Variants in LTN1 observed in about 807,000 individuals in gnomAD.
LTN1 encodes listerin E3 ubiquitin protein ligase 1, also known as E3 ubiquitin-protein ligase listerin.
Under a neutral mutation model 201.2 loss-of-function variants are expected in LTN1, and 88 were observed. That is an observed-to-expected ratio of 0.44 (90% confidence interval 0.37 to 0.52). The LOEUF (loss-of-function observed/expected upper bound fraction) is 0.52, where lower values mean the gene tolerates loss of function less well. Ranked by LOEUF, LTN1 falls within the 20% of genes least tolerant of loss-of-function variation. The probability of loss-of-function intolerance (pLI) is 0.00; values close to 1 mark genes in which losing one functional copy is unlikely to be tolerated. For synonymous variants in LTN1, 645 were observed against 713.5 expected (o/e 0.90, Z 1.53); for missense variants, 1,752 against 2,038.7 (o/e 0.86, Z 2.71).
intron 8 of LTN1, among the ~76,000 whole-genome samples, 158 bp downstream of exon 8, chr21:28,970,394 C>A (rs73342778): frequency 1.3e-5 from 2 of 151,926 alleles, no homozygotes; most frequent in Admixed American, 6.6e-5. Flanking sequence ...AAGTCTTGAA[C>A]GTACTCAAGA....
intron 13 of LTN1, among the ~76,000 whole-genome samples, chr21:28,959,178 A>G (rs891596508): frequency 2.0e-5 from 3 of 152,230 alleles, no homozygotes; most frequent in African/African-American, 7.2e-5. Flanking sequence ...GAAATTAAGG[A>G]ACATGCCAGA....
chr21:28,982,244 A>G (rs1457997583), intron 5 of LTN1, 72 bp downstream of exon 5: 2 of 1,326,918 alleles, frequency 1.5e-6, no homozygotes, highest in Non-Finnish European at 2.1e-6. Flanking sequence ...AAAAAGTCAC[A>G]TTGAAATCAT....
At chr21:28,978,195 T>C (rs1042030890) in intron 6 of LTN1, among the ~76,000 whole-genome samples, 1 of 152,144 alleles carries the variant, frequency 6.6e-6, no homozygotes, top group African/African-American at 2.4e-5. Context: ...ACCCAACTAA[T>C]TTTTTAATTA....
At position 28,986,102 on chromosome 21, in the gene LTN1, T is replaced by C; in HGVS notation, c.345+37A>G. 8.1e-7 allele frequency: 1 copy of C among 1,232,784 alleles called. No homozygotes were observed. The highest frequency in any genetic ancestry group is 1.2e-6 in the Non-Finnish European group (1 of 838,376). The allele number at this position is 1,232,784 out of a possible 1,614,324, so 76.4% of individuals were successfully genotyped here. A position where few individuals can be genotyped will look rare whatever the true frequency, so the allele number is the denominator to read the frequency against. Reference sequence around the variant, plus strand: ...TCTCCATGACTCCAACCAAAAAATATACAACAGAAATAAACTAGCAAAGTT... The same window carrying C: ...TCTCCATGACTCCAACCAAAAAATACACAACAGAAATAAACTAGCAAAGTT... On this transcript the variant is annotated intron_variant, in intron 3 of 29. Coordinates refer to ENST00000361371, the MANE Select transcript of LTN1 (RefSeq NM_015565.3). The surrounding 1 kb of genome is among the most constrained non-coding windows in gnomAD (Gnocchi z 4.1).
intron 17 of LTN1, among the ~76,000 whole-genome samples, 154 bp downstream of exon 17, chr21:28,953,063 A>G (rs1390832038): frequency 6.6e-6 from 1 of 152,240 alleles, no homozygotes; most frequent in Non-Finnish European, 1.5e-5. Flanking sequence ...TCAAGTATTT[A>G]GAATTCATAA....
rs542238933 is a variant in LTN1, at chr21:28,939,747, T to G, written c.4482+1473A>C. 1.2e-4 allele frequency among the ~76,000 whole-genome samples: 19 copies of G among 152,348 alleles called. No individual in the cohort carries two copies. In the South Asian group the frequency reaches 3.7e-3, roughly 30 times the overall value. ...ATATAAAATGAGAACAAAACTCTTA[T>G]ACACAAATGCCTCAATCTGCTGCTA... On this transcript the variant is annotated intron_variant, in intron 25 of 29. Transcript: ENST00000361371.
intron 19 of LTN1, among the ~76,000 whole-genome samples, chr21:28,947,198 A>G (rs951331125): frequency 1.3e-5 from 2 of 152,208 alleles, no homozygotes; most frequent in African/African-American, 4.8e-5. Flanking sequence ...TTGGCTAGGG[A>G]GAAATGAGGC....
At chr21:28,934,611 C>T (rs564312682) in intron 27 of LTN1, among the ~76,000 whole-genome samples, 5 of 152,284 alleles carry the variant, frequency 3.3e-5, no homozygotes, top group African/African-American at 4.8e-5. Flanking sequence ...CCCGCCACCA[C>T]GCATGGCTAA....
At chr21:28,989,844 G>T (rs1170665035) in intron 1 of LTN1, among the ~76,000 whole-genome samples, 1 of 151,934 alleles carries the variant, frequency 6.6e-6, no homozygotes, top group Non-Finnish European at 1.5e-5. Context: ...GCAAAACCCT[G>T]TATCTATTAA....
chr21:28,976,416 AC>A (rs2084615424), intron 6 of LTN1, among the ~76,000 whole-genome samples: 1 of 152,138 alleles, frequency 6.6e-6, no homozygotes, highest in East Asian at 1.9e-4. Flanking sequence ...CTTGGCCAAC[AC>A]AGTGAGACCC....
rs16983580 is a variant in LTN1 at position 28,966,992 on chromosome 21, G to A, written c.1499C>T (p.Ala500Val). ...ATCAGCTTCTGGCTCACTGATTTTC[G>A]CAACACAGATCTCTGACAGTCTTTC... ...FWERLSEICVAKISEPEADVE... is the reference protein window; with the variant it reads ...FWERLSEICVVKISEPEADVE... Residue 500 changes from alanine (A) to valine (V), a missense_variant, in exon 10 of 30, where the codon GCG becomes GTG. Ala to Val is a moderately conservative substitution (Grantham distance 64, BLOSUM62 0). Transcript: ENST00000361371. 4,658 of 1,613,798 alleles carry A rather than the reference G, an allele frequency of 2.9e-3. 108 individuals carry two copies. In the African/African-American group the frequency reaches 0.055, roughly 19 times the overall value.
intron 21 of LTN1, 87 bp from the exon 22 acceptor site, chr21:28,944,683 C>G: frequency 1.1e-6 from 1 of 931,736 alleles, no homozygotes; most frequent in Non-Finnish European, 1.6e-6. Context: ...GCCCCACTTT[C>G]ATTTCTTTGA....
At chr21:28,934,593 T>C (rs1377163237) in intron 27 of LTN1, among the ~76,000 whole-genome samples, 8 of 152,170 alleles carry the variant, frequency 5.3e-5, no homozygotes, top group Admixed American at 5.2e-4. Context: ...TAGCTGGGAT[T>C]ACTGGCGCCC....
chr21:28,984,893 T>G lies in LTN1; in HGVS notation c.375A>C (p.Thr125=), dbSNP rs1470522856. 6.2e-7 allele frequency: 1 copy of G among 1,614,078 alleles called. No homozygotes were observed. Among genetic ancestry groups the G allele is most frequent in the Admixed American group, 1.7e-5 (1 of 60,004 alleles). ...LDHDRRVREA[T]QQAFEKLILK... is the part of the protein sequence containing the mutation. ...GGATAAGTTTTTCAAAAGCTTGTTGTGTGGCTTCTCGGACGCGACGGTCAT... is the reference window on the plus strand; with the variant it reads ...GGATAAGTTTTTCAAAAGCTTGTTGGGTGGCTTCTCGGACGCGACGGTCAT... Residue 125 remains threonine, a synonymous_variant, in exon 4 of 30, where the codon ACA becomes ACC. Transcript: ENST00000361371.
Position 28,986,057 on chromosome 21 carries a change from C to A in LTN1, c.345+82G>T. 2 of 734,166 alleles carry A rather than the reference C, an allele frequency of 2.7e-6. No homozygotes were observed. The highest frequency in any genetic ancestry group is 1.5e-5 in the South Asian group (1 of 64,844). The allele number at this position is 734,166 out of a possible 1,614,324, so 45.5% of individuals were successfully genotyped here. A position where few individuals can be genotyped will look rare whatever the true frequency, so the allele number is the denominator to read the frequency against. On this transcript the variant is annotated intron_variant, in intron 3 of 29. Transcript: ENST00000361371. This position sits in a 1 kb window ranked among gnomAD's most constrained non-coding sequence, Gnocchi z 4.1. The stretch of plus-strand genomic sequence containing the variant: ...ACATTTAATAACCCTCACCAAAAAT[C>A]AACATTATAAATTTGAGAGTCTCCA...
At chr21:28,950,681 A>G (rs541289372) in intron 18 of LTN1, among the ~76,000 whole-genome samples, 2 of 152,062 alleles carry the variant, frequency 1.3e-5, no homozygotes, top group Non-Finnish European at 2.9e-5. Flanking sequence ...ACACCTAGCT[A>G]ATTTTTGTAT....
intron 14 of LTN1, among the ~76,000 whole-genome samples, chr21:28,957,823 T>G (rs1256607535): frequency 1.3e-5 from 2 of 152,214 alleles, no homozygotes; most frequent in Non-Finnish European, 2.9e-5. Context: ...CTCTTCTCCT[T>G]TATTATATGG....
At chr21:28,991,429 T>C (rs1449850133) in intron 1 of LTN1, among the ~76,000 whole-genome samples, 1 of 152,244 alleles carries the variant, frequency 6.6e-6, no homozygotes, top group African/African-American at 2.4e-5. Context: ...TGCTGCAGGC[T>C]AGAAAATGGC....
At chr21:28,948,326 A>C in intron 18 of LTN1, among the ~76,000 whole-genome samples, 1 of 136,452 alleles carries the variant, frequency 7.3e-6, no homozygotes, top group Non-Finnish European at 1.5e-5. Flanking sequence ...GCTGGGGTGC[A>C]ATGCACGATC....
Sources: gnomAD v4.1 joint callset for allele counts (sites outside exome capture counted in the v4.1 genomes callset) on GRCh38, gnomAD v4.1.1 for gene constraint, Gnocchi (gnomAD v3.1) non-coding constraint, MANE v1.5 for transcripts, NCBI Gene and HGNC (gene_info 2026-07-23, HGNC 2026-07-21) for gene names.